CCNK: variants seen among roughly 807,000 people sequenced by gnomAD.
The protein encoded by CCNK is cyclin-K.
In CCNK, 9 loss-of-function variants were observed where a neutral mutation model predicts 65.0. The observed-to-expected ratio is 0.14, with a 90% confidence interval of 0.08 to 0.24. The LOEUF (loss-of-function observed/expected upper bound fraction) is 0.24, where lower values mean the gene tolerates loss of function less well. CCNK is among the 10% of genes least tolerant of loss of function. CCNK has a pLI of 1.00. For synonymous variants in CCNK, 279 were observed against 270.8 expected (o/e 1.03, Z -0.30); for missense variants, 474 against 720.0 (o/e 0.66, Z 3.91).
rs769077917 is a variant in CCNK, at chr14:99,510,749, TGGG to T, written c.1714_1716del (p.Gly572del). The T allele has an allele frequency of 1.4e-6, 2 of 1,446,604 alleles. No homozygotes were observed. Among genetic ancestry groups the T allele is most frequent in the Admixed American group, 2.8e-5 (1 of 36,232 alleles). The allele number at this position is 1,446,604 out of a possible 1,614,324, so 89.6% of individuals were successfully genotyped here. A position where few individuals can be genotyped will look rare whatever the true frequency, so the allele number is the denominator to read the frequency against. ...TTCCCCCACCCGGCATGCCTCCAGT[TGGG>T]GGGCTGGGGCGGGCAGCCTGGATGA... On this transcript the variant is annotated inframe_deletion, in exon 11 of 11. Transcript: ENST00000389879.
intron 1 of CCNK, chr14:99,492,094 A>G (rs1242288640): frequency 6.6e-6 from 1 of 152,324 alleles, no homozygotes; most frequent in Non-Finnish European, 1.5e-5. Flanking sequence ...GGTTTACATC[A>G]GTGAATTCAG....
chr14:99,512,325 ACCAGACGTTCCAGT>A lies in CCNK; in HGVS notation c.*1547_*1560del, dbSNP rs911650299. ...GTAGCTGCCGGGCCCGGGGACAGAA[ACCAGACGTTCCAGT>A]CCATCTCCAAAAAGCAGCACAAATA... On this transcript the variant is annotated 3_prime_UTR_variant, in exon 11 of 11. Transcript: ENST00000389879. 17 of 151,962 alleles carry A rather than the reference ACCAGACGTTCCAGT, an allele frequency of 1.1e-4. No individual in the cohort carries two copies. The highest frequency in any genetic ancestry group is 3.2e-3 in the Middle Eastern group (1 of 316). 9.4% of individuals were successfully genotyped at this position (151,962 alleles called of 1,614,324 possible). A position where few individuals can be genotyped will look rare whatever the true frequency, so the allele number is the denominator to read the frequency against.
chr14:99,511,168 GTCCAAT>G lies in CCNK; in HGVS notation c.*391_*396del, dbSNP rs1017448985. On this transcript the variant is annotated 3_prime_UTR_variant, in exon 11 of 11. Transcript: ENST00000389879. ...TTTCCTGGAAACTCAATTTTAAATA[GTCCAAT>G]TCCATCTGAAGCCAAGCTGTTGTCA... 1.9e-5 allele frequency: 3 copies of G among 159,326 alleles called. No individual in the cohort carries two copies. The highest frequency in any genetic ancestry group is 7.2e-5 in the African/African-American group (3 of 41,802). The allele number at this position is 159,326 out of a possible 1,614,324, so 9.9% of individuals were successfully genotyped here.
chr14:99,487,891 A>T (rs1229788300), intron 1 of CCNK, among the ~76,000 whole-genome samples: 2 of 152,242 alleles, frequency 1.3e-5, no homozygotes, highest in Non-Finnish European at 2.9e-5. Flanking sequence ...ATAAGCAAGT[A>T]TTCCTTGGCT....
chr14:99,510,679 C>G lies in CCNK; in HGVS notation c.1640C>G (p.Pro547Arg). ...GLGLPPASYPPPAVPPGGQPP... is the reference protein window; with the variant it reads ...GLGLPPASYPRPAVPPGGQPP... ...GGCCTGCCGCCAGCCAGCTACCCACCTCCTGCCGTCCCCCCTGGAGGACAG... is the reference window on the plus strand; with the variant it reads ...GGCCTGCCGCCAGCCAGCTACCCACGTCCTGCCGTCCCCCCTGGAGGACAG... The change falls in exon 11 of 11, where the codon CCT becomes CGT. Residue 547 changes from proline (P) to arginine (R), a missense_variant. Transcript: ENST00000389879. 7.0e-7 allele frequency: 1 copy of G among 1,423,214 alleles called. No homozygotes were observed. The highest frequency in any genetic ancestry group is 9.2e-7 in the Non-Finnish European group (1 of 1,088,430). The allele number at this position is 1,423,214 out of a possible 1,614,324, so 88.2% of individuals were successfully genotyped here.
chr14:99,496,506 C>T (rs1487511756), intron 4 of CCNK, among the ~76,000 whole-genome samples: 1 of 151,498 alleles, frequency 6.6e-6, no homozygotes, highest in Non-Finnish European at 1.5e-5. Flanking sequence ...GTCAGGAGAT[C>T]GAGACCATCC....
At chr14:99,509,950 C>A in intron 10 of CCNK, 1 of 605,814 alleles carries the variant, frequency 1.7e-6, no homozygotes, top group Non-Finnish European at 2.9e-6. Context: ...CAGGTCGTCG[C>A]AGACAGGGTG....
At chr14:99,503,726 C>A in intron 9 of CCNK, 82 bp downstream of exon 9, 1 of 1,264,726 alleles carries the variant, frequency 7.9e-7, no homozygotes, top group Non-Finnish European at 1.1e-6. Flanking sequence ...TGTTTCTTTT[C>A]AGATCTAAAT....
At chr14:99,504,217 G>T (rs1468054814) in intron 9 of CCNK, 3 of 214,608 alleles carry the variant, frequency 1.4e-5, no homozygotes, top group South Asian at 1.3e-4. Flanking sequence ...GAAATGTTTT[G>T]TCACAGGGTC....
chr14:99,506,996 T>G, intron 9 of CCNK, 80 bp from the exon 10 acceptor site: 1 of 877,072 alleles, frequency 1.1e-6, no homozygotes, highest in Non-Finnish European at 2.0e-6. Flanking sequence ...AAGAAATCTC[T>G]GCCAGTACAT....
At position 99,503,021 on chromosome 14, in the gene CCNK, T is replaced by A. The variant is rs3918091; in HGVS notation, c.1011+37T>A. The A allele has an allele frequency of 2.2e-4, 357 of 1,611,980 alleles. 1 individual carries two copies. In the African/African-American group the frequency reaches 4.1e-3, roughly 18 times the overall value. On this transcript the variant is annotated intron_variant, in intron 8 of 10. Transcript: ENST00000389879. ...AAAGCAGGCCCTGGGTAGAGCAGGC[T>A]TTCCAGGTGGCGGCAACACCTGAGC... is the stretch of plus-strand genomic sequence containing the variant.
At chr14:99,488,919 T>G (rs534749372) in intron 1 of CCNK, among the ~76,000 whole-genome samples, 1 of 152,054 alleles carries the variant, frequency 6.6e-6, no homozygotes, top group East Asian at 1.9e-4. Context: ...ATGTCTTTTT[T>G]TTTTTTTTCC....
chr14:99,502,364 G>T lies in CCNK; in HGVS notation c.733G>T (p.Asp245Tyr), dbSNP rs767256145. 6.2e-7 allele frequency: 1 copy of T among 1,613,490 alleles called. No homozygotes were observed. The highest frequency in any genetic ancestry group is 8.5e-7 in the Non-Finnish European group (1 of 1,179,742). Residue 245 changes from aspartate (D) to tyrosine (Y), a missense_variant, in exon 7 of 11, where the codon GAC becomes TAC. Physicochemically the swap from Asp to Tyr is radical, Grantham distance 160 (BLOSUM62 -3). Coordinates refer to ENST00000389879, the MANE Select transcript of CCNK (RefSeq NM_001099402.2). ...GCAGTTTGTTCAAGATGTCCCGGTCGACGTTTTGGAAGGTACCAGGCATGC... is the reference window on the plus strand; with the variant it reads ...GCAGTTTGTTCAAGATGTCCCGGTCTACGTTTTGGAAGGTACCAGGCATGC... ...WEQFVQDVPVDVLEDICHQIL... is the reference protein window; with the variant it reads ...WEQFVQDVPVYVLEDICHQIL...
chr14:99,507,440 C>A, intron 10 of CCNK: 1 of 394,692 alleles, frequency 2.5e-6, no homozygotes, highest in South Asian at 2.4e-5. Context: ...TAGCACACAC[C>A]TGTAGTCCCA....
At chr14:99,489,620 C>T (rs928744088) in intron 1 of CCNK, among the ~76,000 whole-genome samples, 37 of 152,172 alleles carry the variant, frequency 2.4e-4, no homozygotes, top group African/African-American at 7.7e-4. Flanking sequence ...AAGCATGTAA[C>T]AATATCAGAA....
chr14:99,496,360 G>A (rs1448232390), intron 4 of CCNK, among the ~76,000 whole-genome samples: 1 of 152,176 alleles, frequency 6.6e-6, no homozygotes, highest in Non-Finnish European at 1.5e-5. Context: ...CAGATTGCTT[G>A]AGCCCAGGAA....
At chr14:99,494,611 G>C (rs1234214648) in intron 3 of CCNK, 1 of 152,262 alleles carries the variant, frequency 6.6e-6, no homozygotes, top group Non-Finnish European at 1.5e-5. Context: ...CATGTAGGAA[G>C]GATTGGAGTG....
intron 9 of CCNK, 91 bp from the exon 10 acceptor site, chr14:99,506,985 A>G: frequency 1.2e-6 from 1 of 851,376 alleles, no homozygotes; most frequent in East Asian, 2.4e-5. Flanking sequence ...TTTTTCTCCC[A>G]AAGAAATCTC....
chr14:99,506,482 A>G (rs3918105), intron 9 of CCNK: 431 of 153,228 alleles, frequency 2.8e-3, no homozygotes, highest in Non-Finnish European at 5.3e-3. Context: ...CTCCACCTCA[A>G]GGGGTCCTGA....
Sources: allele counts gnomAD v4.1 joint callset (sites outside exome capture counted in the v4.1 genomes callset), GRCh38; gene constraint gnomAD v4.1.1; transcripts MANE v1.5; gene names NCBI Gene and HGNC (gene_info 2026-07-23, HGNC 2026-07-21).